The following CDYL2 variants were observed in gnomAD, a reference collection of about 807,000 sequenced individuals.
CDYL2 encodes chromodomain Y-like protein 2.
A neutral mutation model predicts 49.4 loss-of-function variants in CDYL2; 23 were observed. The ratio of observed to expected loss-of-function variants is 0.47; its 90% CI spans 0.34 to 0.66. The LOEUF (loss-of-function observed/expected upper bound fraction) is 0.66, where lower values mean the gene tolerates loss of function less well. Ranked by LOEUF, CDYL2 falls within the 30% of genes least tolerant of loss-of-function variation. CDYL2 has a pLI of 0.01. For synonymous variants in CDYL2, 360 were observed against 268.8 expected (o/e 1.34, Z -3.32); for missense variants, 678 against 656.4 (o/e 1.03, Z -0.36).
intron 1 of CDYL2, among the ~76,000 whole-genome samples, chr16:80,751,312 T>G (rs146700005): frequency 4.1e-4 from 62 of 152,350 alleles, no homozygotes; most frequent in African/African-American, 1.5e-3. Context: ...AGCCAGAACT[T>G]GAAGTGCCAA....
chr16:80,711,870 G>A (rs1014609468), intron 1 of CDYL2, among the ~76,000 whole-genome samples: 1 of 151,930 alleles, frequency 6.6e-6, no homozygotes, highest in Non-Finnish European at 1.5e-5. Context: ...CACTCAGTAT[G>A]GCACTGCGGA....
chr16:80,682,167 G>A (rs74485580), intron 2 of CDYL2, among the ~76,000 whole-genome samples: 1,568 of 152,140 alleles, frequency 0.01, 35 homozygotes, highest in African/African-American at 0.036. Context: ...TTAACCTTAC[G>A]GGCACCAGTG....
At chr16:80,640,369 T>G (rs777850427) in intron 2 of CDYL2, among the ~76,000 whole-genome samples, 8 of 152,180 alleles carry the variant, frequency 5.3e-5, no homozygotes, top group Non-Finnish European at 1.2e-4. Flanking sequence ...GGATCCCATC[T>G]TGGAAGGATT....
chr16:80,779,378 G>A (rs1194475171), intron 1 of CDYL2, among the ~76,000 whole-genome samples: 4 of 151,978 alleles, frequency 2.6e-5, no homozygotes, highest in Admixed American at 6.6e-5. Context: ...AGTGCTGAGA[G>A]CCTCATGAAA....
At chr16:80,782,723 T>G in intron 1 of CDYL2, among the ~76,000 whole-genome samples, 1 of 151,816 alleles carries the variant, frequency 6.6e-6, no homozygotes. Context: ...ATATGTCACA[T>G]GAGTAGAATG....
intron 2 of CDYL2, chr16:80,671,057 A>C (rs1315154735): frequency 6.6e-6 from 3 of 452,106 alleles, no homozygotes; most frequent in Non-Finnish European, 1.3e-5. Context: ...CCCTGACCCC[A>C]GTGGAGGCTT....
At chr16:80,715,384 T>C (rs776178383) in intron 1 of CDYL2, among the ~76,000 whole-genome samples, 1 of 152,118 alleles carries the variant, frequency 6.6e-6, no homozygotes, top group African/African-American at 2.4e-5. Context: ...CTAATCCAGT[T>C]ATCCAAGGCG....
intron 3 of CDYL2, among the ~76,000 whole-genome samples, chr16:80,631,283 G>T (rs1907550139): frequency 6.6e-6 from 1 of 152,128 alleles, no homozygotes; most frequent in Admixed American, 6.5e-5. Context: ...GGAACAAAGA[G>T]CCCCTGTTCA....
At chr16:80,791,513 G>T (rs1907606909) in intron 1 of CDYL2, among the ~76,000 whole-genome samples, 1 of 152,144 alleles carries the variant, frequency 6.6e-6, no homozygotes, top group Non-Finnish European at 1.5e-5. Flanking sequence ...GAGAAGAAAA[G>T]GGTTCCACAG....
At position 80,612,843 on chromosome 16, in the gene CDYL2, G is replaced by C; in HGVS notation, c.1008-7C>G. On this transcript the variant is annotated splice_polypyrimidine_tract_variant and splice_region_variant and intron_variant, in intron 4 of 6. Transcript: ENST00000570137. This position sits in a 1 kb window ranked among gnomAD's most constrained non-coding sequence, Gnocchi z 5.0. The stretch of plus-strand genomic sequence containing the variant: ...AAAGGCCTTCACAAAGTCCCTGGGA[G>C]AGAAAGAAGATCCTCTTGAACAGGT... The C allele has an allele frequency of 6.2e-7, 1 of 1,600,720 alleles. No homozygotes were observed. The highest frequency in any genetic ancestry group is 8.5e-7 in the Non-Finnish European group (1 of 1,172,774).
chr16:80,697,863 T>C (rs1206283923), intron 1 of CDYL2, among the ~76,000 whole-genome samples: 5 of 151,692 alleles, frequency 3.3e-5, no homozygotes, highest in African/African-American at 4.8e-5. Context: ...ATCTCTACAA[T>C]GGAAAGAATA....
chr16:80,645,461 C>T (rs1027236216), intron 2 of CDYL2, among the ~76,000 whole-genome samples: 1 of 152,070 alleles, frequency 6.6e-6, no homozygotes, highest in Non-Finnish European at 1.5e-5. Flanking sequence ...GTTAGAATGG[C>T]AATCATTAAA....
At chr16:80,804,044 T>A in intron 1 of CDYL2, 106 bp downstream of exon 1, 1 of 824,890 alleles carries the variant, frequency 1.2e-6, no homozygotes, top group Non-Finnish European at 1.4e-6. Context: ...GCTCGGCAAC[T>A]CCGGATTGCG....
At chr16:80,660,832 T>A (rs1909010936) in intron 2 of CDYL2, among the ~76,000 whole-genome samples, 1 of 152,050 alleles carries the variant, frequency 6.6e-6, no homozygotes, top group Non-Finnish European at 1.5e-5. Flanking sequence ...AATCAAGAAA[T>A]GGTGCACAGT....
rs368472250 is a variant in CDYL2 at position 80,612,634 on chromosome 16, C to A, written c.1210G>T (p.Val404Phe). The A allele has an allele frequency of 1.2e-6, 2 of 1,606,772 alleles. No homozygotes were observed. The highest frequency in any genetic ancestry group is 2.2e-5 in the South Asian group (2 of 90,266). The change falls in exon 5 of 7, where the codon GTC becomes TTC. Residue 404 changes from valine (V) to phenylalanine (F), a missense_variant. By Grantham distance (50) the Val-to-Phe change is conservative. Around this residue, in one of 3 missense-constraint regions of CDYL2, gnomAD observed 153 missense variants for 150.6 expected, o/e 1.02. Transcript: ENST00000570137. This position sits in a 1 kb window ranked among gnomAD's most constrained non-coding sequence, Gnocchi z 5.0. The stretch of plus-strand genomic sequence containing the variant: ...TATCACAGGAGGCTTACCAGCGCGA[C>A]GCCCAGGATCTGGGGGAAGGTGTAG... ...SSYTFPQILG[V>F]ALANEMLFCG...
intron 2 of CDYL2, among the ~76,000 whole-genome samples, chr16:80,633,500 C>T (rs1907669388): frequency 6.6e-6 from 1 of 152,206 alleles, no homozygotes; most frequent in Admixed American, 6.5e-5. Context: ...CATATATCAG[C>T]TTCTGCTCAG....
chr16:80,717,081 G>C (rs780281239), intron 1 of CDYL2, among the ~76,000 whole-genome samples: 1 of 150,600 alleles, frequency 6.6e-6, no homozygotes, highest in Non-Finnish European at 1.5e-5. Flanking sequence ...TGGATAAATG[G>C]ATGGGTGAAT....
At chr16:80,643,280 G>A (rs755518065) in intron 2 of CDYL2, among the ~76,000 whole-genome samples, 31 of 152,208 alleles carry the variant, frequency 2.0e-4, no homozygotes, top group Non-Finnish European at 4.0e-4. Context: ...CAAAAGGTGA[G>A]TGCCCGTGGT....
chr16:80,751,415 G>C (rs183906502), intron 1 of CDYL2, among the ~76,000 whole-genome samples: 1 of 152,160 alleles, frequency 6.6e-6, no homozygotes. Flanking sequence ...GCAGTATAGG[G>C]GTAGATGCTG....
Sources: allele counts gnomAD v4.1 joint callset (sites outside exome capture counted in the v4.1 genomes callset), GRCh38; gene constraint gnomAD v4.1.1; regional missense constraint gnomAD v4.1.1; non-coding constraint Gnocchi (gnomAD v3.1); transcripts MANE v1.5; gene names NCBI Gene and HGNC (gene_info 2026-07-23, HGNC 2026-07-21).